PHF20: variants seen among roughly 807,000 people sequenced by gnomAD.
PHF20 encodes the protein PHD finger protein 20, also known as glioma-expressed antigen 2.
Under a neutral mutation model 113.5 loss-of-function variants are expected in PHF20, and 23 were observed. That is an observed-to-expected ratio of 0.20 (90% CI 0.15 to 0.29). The LOEUF is 0.29. Ranked by LOEUF, PHF20 falls within the 10% of genes least tolerant of loss-of-function variation. The pLI, the probability that PHF20 is intolerant of heterozygous loss-of-function variation, is 1.00. For synonymous variants in PHF20, 434 were observed against 457.3 expected, an observed-to-expected ratio of 0.95 and a Z score of 0.65; for missense variants, 943 against 1,219.6, an observed-to-expected ratio of 0.77 and a Z score of 3.38.
intron 2 of PHF20, among the ~76,000 whole-genome samples, chr20:35,828,149 G>A (rs73618533): frequency 1.3e-5 from 2 of 151,960 alleles, no homozygotes; most frequent in African/African-American, 2.4e-5. Flanking sequence ...TCAGCCTCCC[G>A]AGTAGCTGGG....
intron 1 of PHF20, among the ~76,000 whole-genome samples, chr20:35,788,566 T>G (rs1458800088): frequency 1.3e-5 from 2 of 151,642 alleles, no homozygotes; most frequent in African/African-American, 4.8e-5. Context: ...ATTTTGCCAG[T>G]GAGAAGGCTG....
chr20:35,823,434 C>T (rs1411407887), intron 2 of PHF20, among the ~76,000 whole-genome samples: 1 of 125,916 alleles, frequency 7.9e-6, no homozygotes, highest in Non-Finnish European at 1.6e-5. Context: ...GACTTCGTCT[C>T]TCAAAAAAAA....
In PHF20 at chr20:35,852,823, T is replaced by C. The variant is rs182919335; in HGVS notation, c.340+5389T>C. ...CGTGTTGGTTAGGCTGGTCTTGAAC[T>C]CCTGACCTCATGATCCACCCGCGTC... On this transcript the variant is annotated intron_variant, in intron 4 of 17. Transcript: ENST00000374012. Among the ~76,000 whole-genome samples, 807 of 151,118 alleles carry C rather than the reference T, an allele frequency of 5.3e-3. 9 individuals are homozygous for C. The highest frequency in any genetic ancestry group is 0.019 in the African/African-American group (774 of 41,264).
chr20:35,809,395 A>G (rs927083416), intron 2 of PHF20, among the ~76,000 whole-genome samples: 3 of 152,166 alleles, frequency 2.0e-5, no homozygotes, highest in African/African-American at 4.8e-5. Flanking sequence ...CCTGGCCAAC[A>G]TGGTGAAACC....
chr20:35,939,180 G>A, intron 16 of PHF20, 72 bp downstream of exon 16: 1 of 1,405,220 alleles, frequency 7.1e-7, no homozygotes, highest in Non-Finnish European at 9.7e-7. Context: ...TAGTTTGAAT[G>A]CTCTATGGAA....
In PHF20 at chr20:35,948,430, A is replaced by C. The variant is rs1474127792; in HGVS notation, c.*803A>C. 1.3e-5 allele frequency: 2 copies of C among 152,640 alleles called. No individual in the cohort carries two copies. The highest frequency in any genetic ancestry group is 2.9e-5 in the Non-Finnish European group (2 of 68,048). The allele number at this position is 152,640 out of a possible 1,614,324, so 9.5% of individuals were successfully genotyped here. On this transcript the variant is annotated 3_prime_UTR_variant, in exon 18 of 18. Transcript: ENST00000374012. ...CTTCCCCGTTCTATTTAATGTCCAA[A>C]AATGTTTCCCAAAATTTCAAACTCT...
At chr20:35,911,895 G>T (rs529187099) in intron 10 of PHF20, among the ~76,000 whole-genome samples, 1 of 152,234 alleles carries the variant, frequency 6.6e-6, no homozygotes, top group South Asian at 2.1e-4. Context: ...CTGACCTCAG[G>T]TGATTCACCT....
At chr20:35,849,962 A>G (rs1600822936) in intron 4 of PHF20, among the ~76,000 whole-genome samples, 1 of 152,298 alleles carries the variant, frequency 6.6e-6, no homozygotes, top group East Asian at 1.9e-4. Flanking sequence ...AGAGTGTGGA[A>G]GTGGCAGCTG....
intron 15 of PHF20, among the ~76,000 whole-genome samples, chr20:35,933,078 T>C (rs1436659364): frequency 6.6e-6 from 1 of 152,140 alleles, no homozygotes; most frequent in Non-Finnish European, 1.5e-5. Flanking sequence ...TGCCACATTT[T>C]GTTTATCCCT....
intron 2 of PHF20, among the ~76,000 whole-genome samples, chr20:35,828,415 C>A (rs983608447): frequency 6.6e-6 from 1 of 152,052 alleles, no homozygotes; most frequent in African/African-American, 2.4e-5. Flanking sequence ...TTTTTCTCCC[C>A]GGCCCCATGA....
chr20:35,819,232 T>C (rs1051417158), intron 2 of PHF20, among the ~76,000 whole-genome samples: 15 of 152,120 alleles, frequency 9.9e-5, no homozygotes, highest in Middle Eastern at 3.2e-3. Context: ...TGCCCAGCCC[T>C]GCCTTCCCTA....
intron 17 of PHF20, among the ~76,000 whole-genome samples, chr20:35,943,646 A>C (rs963044834): frequency 6.6e-6 from 1 of 151,924 alleles, no homozygotes; most frequent in African/African-American, 2.4e-5. Flanking sequence ...TTTGAGACGG[A>C]GTCTCGGTCT....
chr20:35,783,350 T>C (rs1302950822), intron 1 of PHF20, among the ~76,000 whole-genome samples: 1 of 152,190 alleles, frequency 6.6e-6, no homozygotes, highest in Non-Finnish European at 1.5e-5. Flanking sequence ...GGCCCTTCAG[T>C]GGGCCTTGTT....
At chr20:35,813,935 A>G (rs1344975605) in intron 2 of PHF20, among the ~76,000 whole-genome samples, 1 of 103,746 alleles carries the variant, frequency 9.6e-6, no homozygotes, top group Admixed American at 1.1e-4. Context: ...CCGTCTCAGA[A>G]AAAAAAAAAA....
In PHF20 at chr20:35,847,338, T is replaced by A. The variant is rs765604825; in HGVS notation, c.256-12T>A. ...GGTAACAGGATCTTTTTTTTTTTTT[T>A]ATGTTTTTTAGGAATTTCAAATAAA... On this transcript the variant is annotated splice_polypyrimidine_tract_variant and intron_variant, in intron 3 of 17. Transcript: ENST00000374012. 30 of 1,565,824 alleles carry A rather than the reference T, an allele frequency of 1.9e-5. No homozygotes were observed. In the East Asian group the frequency reaches 2.7e-4, roughly 14 times the overall value.
At chr20:35,835,150 C>G (rs955079090) in intron 2 of PHF20, among the ~76,000 whole-genome samples, 1 of 152,048 alleles carries the variant, frequency 6.6e-6, no homozygotes, top group Non-Finnish European at 1.5e-5. Flanking sequence ...TGGCGGGCGC[C>G]TGTAGTCCTA....
At chr20:35,926,249 T>C (rs1361684893) in intron 13 of PHF20, among the ~76,000 whole-genome samples, 5 of 123,308 alleles carry the variant, frequency 4.1e-5, no homozygotes, top group African/African-American at 1.5e-4. Flanking sequence ...TTTTTTTTTT[T>C]TTTTTTGAGA....
At chr20:35,840,349 G>A (rs2042517322) in intron 2 of PHF20, among the ~76,000 whole-genome samples, 1 of 151,824 alleles carries the variant, frequency 6.6e-6, no homozygotes, top group Admixed American at 6.6e-5. Context: ...TCCTATTTTT[G>A]CCCCTTCCCA....
chr20:35,917,246 G>T (rs982851457), intron 12 of PHF20: 8 of 606,186 alleles, frequency 1.3e-5, no homozygotes, highest in Non-Finnish European at 2.2e-5. Flanking sequence ...CTGCCGTTGG[G>T]CTTCATTCTC....
Sources: allele counts gnomAD v4.1 joint callset (sites outside exome capture counted in the v4.1 genomes callset), GRCh38; gene constraint gnomAD v4.1.1; transcripts MANE v1.5; gene names NCBI Gene and HGNC (gene_info 2026-07-23, HGNC 2026-07-21).